Variants in NCDN observed in about 807,000 individuals in gnomAD.
The protein encoded by NCDN is neurochondrin.
NCDN carries 9 observed loss-of-function variants against 60.7 expected under a neutral mutation model. The observed-to-expected ratio is 0.15, with a 90% CI of 0.09 to 0.26. The LOEUF is 0.26. Among genes scored for constraint, NCDN ranks in the 10% least tolerant of loss-of-function variants. NCDN has a pLI of 1.00. For synonymous variants in NCDN, 409 were observed against 442.5 expected (o/e 0.92, Z 0.95); for missense variants, 578 against 975.2 (o/e 0.59, Z 5.42).
rs527805141 is a variant in NCDN, at chr1:35,561,445, C to A, written c.1143+151C>A. The A allele has an allele frequency of 1.8e-5, 20 of 1,131,952 alleles. No homozygotes were observed. The highest frequency in any genetic ancestry group is 2.3e-5 in the Non-Finnish European group (19 of 823,528). 70.1% of individuals were successfully genotyped at this position (1,131,952 alleles called of 1,614,324 possible). A position where few individuals can be genotyped will look rare whatever the true frequency, so the allele number is the denominator to read the frequency against. On this transcript the variant is annotated intron_variant, in intron 3 of 6. Transcript: ENST00000373243. This position sits in a 1 kb window ranked among gnomAD's most constrained non-coding sequence, Gnocchi z 4.9. ...AGCCAGCACTCCAGGGAGTAGTGTGCGGCCCAACCTCCCTCTCTCTCCCTC... is the reference window on the plus strand; with the variant it reads ...AGCCAGCACTCCAGGGAGTAGTGTGAGGCCCAACCTCCCTCTCTCTCCCTC...
rs1325376232 is a variant in NCDN at position 35,563,986 on chromosome 1, AC to A, written c.1753+79del. ...ACCTCCTGTGTTTGGGGCAAAAGTC[AC>A]CATTTTTAGAAGATGGTTTTGCAGC... On this transcript the variant is annotated intron_variant, in intron 6 of 6. Coordinates refer to ENST00000373243, the MANE Select transcript of NCDN (RefSeq NM_014284.3). This position sits in a 1 kb window ranked among gnomAD's most constrained non-coding sequence, Gnocchi z 6.6. The A allele has an allele frequency of 4.0e-6, 6 of 1,485,388 alleles. No homozygotes were observed. Among genetic ancestry groups the A allele is most frequent in the Non-Finnish European group, 5.4e-6 (6 of 1,115,562 alleles). 92.0% of individuals were successfully genotyped at this position (1,485,388 alleles called of 1,614,324 possible).
At position 35,561,198 on chromosome 1, in the gene NCDN, T is replaced by A. The variant is rs1470162474; in HGVS notation, c.1047T>A (p.Thr349=). The A allele has an allele frequency of 6.2e-7, 1 of 1,608,428 alleles. No individual in the cohort carries two copies. The highest frequency in any genetic ancestry group is 1.7e-5 in the Admixed American group (1 of 58,584). The part of the protein sequence containing the change: ...ALMELGIQEC[T]RCEQSLLKEP... ...TGGAGTTGGGGATCCAGGAATGCACTCGCTGTGAGCAGTCACTGCTTAAGG... is the reference window on the plus strand; with the variant it reads ...TGGAGTTGGGGATCCAGGAATGCACACGCTGTGAGCAGTCACTGCTTAAGG... Residue 349 remains threonine (T), a synonymous_variant, in exon 3 of 7, where the codon ACT becomes ACA. Coordinates refer to ENST00000373243, the MANE Select transcript of NCDN (RefSeq NM_014284.3). This position sits in a 1 kb window ranked among gnomAD's most constrained non-coding sequence, Gnocchi z 4.9.
rs1352370540 is a variant in NCDN at position 35,563,208 on chromosome 1, C to A, written c.1392C>A (p.Leu464=). The change falls in exon 5 of 7, where the codon CTC becomes CTA. Residue 464 remains leucine (L), a synonymous_variant. Coordinates refer to ENST00000373243, the MANE Select transcript of NCDN (RefSeq NM_014284.3). The surrounding 1 kb of genome is among the most constrained non-coding windows in gnomAD (Gnocchi z 6.6). ...GTCCCTTCCACATCCCCAGGCTCCT[C>A]CTGCCTGGCTGGTGCCACCTGACCG... is the stretch of plus-strand genomic sequence containing the variant. The part of the protein sequence containing the change: ...PTWPGDALRL[L]LPGWCHLTVE... 4 of 1,612,452 alleles carry A rather than the reference C, an allele frequency of 2.5e-6. No homozygotes were observed. The highest frequency in any genetic ancestry group is 2.5e-6 in the Non-Finnish European group (3 of 1,178,716).
In NCDN at chr1:35,563,346, G is replaced by A. The variant is rs755819723; in HGVS notation, c.1530G>A (p.Leu510=). 1 of 1,614,202 alleles carries A rather than the reference G, an allele frequency of 6.2e-7. No individual in the cohort carries two copies. The highest frequency in any genetic ancestry group is 1.1e-5 in the South Asian group (1 of 91,090). The change falls in exon 5 of 7, where the codon CTG becomes CTA. Residue 510 remains leucine, a synonymous_variant. Transcript: ENST00000373243. The surrounding 1 kb of genome is among the most constrained non-coding windows in gnomAD (Gnocchi z 6.6). Reference sequence around the variant, plus strand: ...CCCCTGGCCACGACACCTCGGTGCTGCCTGACAGCGTGGAGATTGGCCTGC... The same window carrying A: ...CCCCTGGCCACGACACCTCGGTGCTACCTGACAGCGTGGAGATTGGCCTGC... ...LTSPGHDTSV[L]PDSVEIGLQT...
chr1:35,560,584 G>A lies in NCDN; in HGVS notation c.433G>A (p.Asp145Asn), dbSNP rs1467895598. The change falls in exon 3 of 7, where the codon GAT becomes AAT. Residue 145 changes from aspartate to asparagine, a missense_variant. Transcript: ENST00000373243. This position sits in a 1 kb window ranked among gnomAD's most constrained non-coding sequence, Gnocchi z 7.6. ...TFLTARGDPD[D>N]AARRSMIDDT... ...CCTCACAGCCCGGGGGGACCCGGAC[G>A]ATGCTGCCCGCCGCTCCATGATTGA... 8 of 1,613,366 alleles carry A rather than the reference G, an allele frequency of 5.0e-6. No individual in the cohort carries two copies. Among genetic ancestry groups the A allele is most frequent in the East Asian group, 4.5e-5 (2 of 44,878 alleles).
In NCDN at chr1:35,562,649, C is replaced by T. The variant is rs781039499; in HGVS notation, c.1385+16C>T. ...ACGCTCTCCGGTGAGTCTGTAGTTA[C>T]AGTCTGTCCAGCTAGATCATTCTAC... On this transcript the variant is annotated intron_variant, in intron 4 of 6. Transcript: ENST00000373243. The surrounding 1 kb of genome is among the most constrained non-coding windows in gnomAD (Gnocchi z 6.8). 2 of 1,606,180 alleles carry T rather than the reference C, an allele frequency of 1.2e-6. No homozygotes were observed. Among genetic ancestry groups the T allele is most frequent in the East Asian group, 2.2e-5 (1 of 44,712 alleles).
In NCDN at chr1:35,561,145, G is replaced by A; in HGVS notation, c.994G>A (p.Asp332Asn). 6.2e-7 allele frequency: 1 copy of A among 1,610,874 alleles called. No individual in the cohort carries two copies. The highest frequency in any genetic ancestry group is 8.5e-7 in the Non-Finnish European group (1 of 1,178,620). The change falls in exon 3 of 7, where the codon GAT (aspartate) becomes AAT (asparagine). Residue 332 changes from aspartate (D) to asparagine (N), a missense_variant. This residue lies in a region of NCDN where 363 missense variants were observed against 583.6 expected (regional missense o/e 0.62). Coordinates refer to ENST00000373243, the MANE Select transcript of NCDN (RefSeq NM_014284.3). This position sits in a 1 kb window ranked among gnomAD's most constrained non-coding sequence, Gnocchi z 4.9. ...GGAGACGGGCACGGAGGTGAAAGAG[G>A]ATGTGGTGACCGCCTGCTATGCCCT... ...LEETGTEVKE[D>N]VVTACYALME...
rs56974171 is a variant in NCDN at position 35,566,629 on chromosome 1, C to CCACACACACACA, written c.*1006_*1017dup. 1.6e-4 allele frequency: 44 copies of CCACACACACACA among 270,446 alleles called. No individual in the cohort carries two copies. The highest frequency in any genetic ancestry group is 2.3e-4 in the African/African-American group (9 of 39,222). The allele number at this position is 270,446 out of a possible 1,614,324, so 16.8% of individuals were successfully genotyped here. ...TACCTTTCTTATAAACCCAGGGGGA[C>CCACACACACACA]CACACACACACACACACACACACAC... On this transcript the variant is annotated 3_prime_UTR_variant, in exon 7 of 7. Transcript: ENST00000373243. The surrounding 1 kb of genome is among the most constrained non-coding windows in gnomAD (Gnocchi z 5.3).
In NCDN at chr1:35,563,648, C is replaced by A. The variant is rs996699464; in HGVS notation, c.1611-119C>A. ...GTCTGCTTGTTCCAATCTCTGCCCC[C>A]CAGATGCTATGTTTGGGGCCCAAAG... On this transcript the variant is annotated intron_variant, in intron 5 of 6. Coordinates refer to ENST00000373243, the MANE Select transcript of NCDN (RefSeq NM_014284.3). This position sits in a 1 kb window ranked among gnomAD's most constrained non-coding sequence, Gnocchi z 6.6. 3.9e-6 allele frequency: 5 copies of A among 1,277,956 alleles called. No homozygotes were observed. In the Admixed American group the frequency reaches 5.9e-5, roughly 15 times the overall value. The allele number at this position is 1,277,956 out of a possible 1,614,324, so 79.2% of individuals were successfully genotyped here.
At position 35,558,271 on chromosome 1, in the gene NCDN, G is replaced by A. The variant is rs201007941; in HGVS notation, c.33+48G>A. 3.7e-6 allele frequency: 6 copies of A among 1,612,998 alleles called. No individual in the cohort carries two copies. In the Admixed American group the frequency reaches 6.7e-5, roughly 18 times the overall value. On this transcript the variant is annotated intron_variant, in intron 1 of 6. Coordinates refer to ENST00000373243, the MANE Select transcript of NCDN (RefSeq NM_014284.3). The surrounding 1 kb of genome is among the most constrained non-coding windows in gnomAD (Gnocchi z 6.3). ...CTCCCCTTCTCATCTCCCCATCTCA[G>A]CAGCCCTGCTTCGATTATCCGGCTT...
In NCDN at chr1:35,563,570, C is replaced by G. The variant is rs1571086318; in HGVS notation, c.1610+144C>G. 1 of 1,056,848 alleles carries G rather than the reference C, an allele frequency of 9.5e-7. No individual in the cohort carries two copies. The highest frequency in any genetic ancestry group is 2.5e-5 in the East Asian group (1 of 39,374). 65.5% of individuals were successfully genotyped at this position (1,056,848 alleles called of 1,614,324 possible). A position where few individuals can be genotyped will look rare whatever the true frequency, so the allele number is the denominator to read the frequency against. On this transcript the variant is annotated intron_variant, in intron 5 of 6. Coordinates refer to ENST00000373243, the MANE Select transcript of NCDN (RefSeq NM_014284.3). This position sits in a 1 kb window ranked among gnomAD's most constrained non-coding sequence, Gnocchi z 6.6. ...ATGGGGGTCTCAGAGTAGACATAGC[C>G]AGCCCCGCACAAGGATTCGGCATGC...
rs1271405870 is a variant in NCDN, at chr1:35,560,812, G to A, written c.661G>A (p.Val221Met). Residue 221 changes from valine to methionine, a missense_variant, in exon 3 of 7, where the codon GTG becomes ATG. Coordinates refer to ENST00000373243, the MANE Select transcript of NCDN (RefSeq NM_014284.3). The surrounding 1 kb of genome is among the most constrained non-coding windows in gnomAD (Gnocchi z 7.6). ...GGAGGCGGAGCCCGACCTGCTGGCC[G>A]TGTTGCGGGGCCTCAGTGAGGATTT... is the stretch of plus-strand genomic sequence containing the variant. Reference protein sequence around the residue: ...WKEAEPDLLAVLRGLSEDFQK... With the variant: ...WKEAEPDLLAMLRGLSEDFQK... 3.1e-6 allele frequency: 5 copies of A among 1,613,730 alleles called. No homozygotes were observed. The highest frequency in any genetic ancestry group is 1.1e-5 in the South Asian group (1 of 91,092).
intron 6 of NCDN, among the ~76,000 whole-genome samples, chr1:35,564,851 TC>T (rs1240309954): frequency 1.1e-4 from 16 of 152,042 alleles, no homozygotes; most frequent in Admixed American, 8.5e-4. Flanking sequence ...ATGGTGCAAC[TC>T]CCTTAACCTG....
At chr1:35,564,064 A>C (rs1011175207) in intron 6 of NCDN, among the ~76,000 whole-genome samples, 155 bp downstream of exon 6, 15 of 151,988 alleles carry the variant, frequency 9.9e-5, no homozygotes, top group African/African-American at 3.6e-4. Context: ...CCCTACCCCC[A>C]CCGTTCTTCC....
chr1:35,561,392 G>A lies in NCDN; in HGVS notation c.1143+98G>A. On this transcript the variant is annotated intron_variant, in intron 3 of 6. Coordinates refer to ENST00000373243, the MANE Select transcript of NCDN (RefSeq NM_014284.3). This position sits in a 1 kb window ranked among gnomAD's most constrained non-coding sequence, Gnocchi z 4.9. ...AGGAGAATAATGGGGAGACAGCGAA[G>A]CTGCATGTCCACACAAGCTGATACT... 1 of 1,455,220 alleles carries A rather than the reference G, an allele frequency of 6.9e-7. No homozygotes were observed. The highest frequency in any genetic ancestry group is 9.1e-7 in the Non-Finnish European group (1 of 1,103,414). 90.1% of individuals were successfully genotyped at this position (1,455,220 alleles called of 1,614,324 possible).
At chr1:35,564,039 C>A in intron 6 of NCDN, 130 bp downstream of exon 6, 1 of 1,129,698 alleles carries the variant, frequency 8.9e-7, no homozygotes, top group Non-Finnish European at 1.2e-6. Context: ...GAAATCTTTG[C>A]AGTGTATCTC....
rs1648481005 is a variant in NCDN at position 35,558,372 on chromosome 1, G to A, written c.33+149G>A. 1.3e-6 allele frequency: 2 copies of A among 1,520,696 alleles called. No homozygotes were observed. The highest frequency in any genetic ancestry group is 2.3e-5 in the East Asian group (1 of 42,910). 94.2% of individuals were successfully genotyped at this position (1,520,696 alleles called of 1,614,324 possible). A position where few individuals can be genotyped will look rare whatever the true frequency, so the allele number is the denominator to read the frequency against. The stretch of plus-strand genomic sequence containing the variant: ...CAGCCCCTGCCGGCATCCACAGGCT[G>A]GTAGCGGGACGGGGAGGGCGAGAAG... On this transcript the variant is annotated intron_variant, in intron 1 of 6. Transcript: ENST00000373243. The surrounding 1 kb of genome is among the most constrained non-coding windows in gnomAD (Gnocchi z 6.3).
chr1:35,558,418 TCTGCTGCTGCCGCCGCCGCTG>T lies in NCDN; in HGVS notation c.33+206_33+226del, dbSNP rs1648488941. The T allele has an allele frequency of 6.9e-7, 1 of 1,451,008 alleles. No individual in the cohort carries two copies. Among genetic ancestry groups the T allele is most frequent in the South Asian group, 1.4e-5 (1 of 71,130 alleles). The allele number at this position is 1,451,008 out of a possible 1,614,324, so 89.9% of individuals were successfully genotyped here. On this transcript the variant is annotated intron_variant, in intron 1 of 6. Coordinates refer to ENST00000373243, the MANE Select transcript of NCDN (RefSeq NM_014284.3). The surrounding 1 kb of genome is among the most constrained non-coding windows in gnomAD (Gnocchi z 6.3). ...AGAAGAGGGAGCGCAAGGGGTTAAT[TCTGCTGCTGCCGCCGCCGCTG>T]CTGCTGCTGCTGCAGCCTCTACCCG...
In NCDN at chr1:35,561,252, C is replaced by G. The variant is rs1648695289; in HGVS notation, c.1101C>G (p.Val367=). ...KEPQKVQLVS[V]MKEAIGAVIH... is the part of the protein sequence containing the mutation. ...CACAGAAGGTGCAGCTCGTGAGCGT[C>G]ATGAAGGAGGCCATAGGGGCTGTTA... Residue 367 remains valine (V), a synonymous_variant, in exon 3 of 7, where the codon GTC becomes GTG. Coordinates refer to ENST00000373243, the MANE Select transcript of NCDN (RefSeq NM_014284.3). This position sits in a 1 kb window ranked among gnomAD's most constrained non-coding sequence, Gnocchi z 4.9. The G allele has an allele frequency of 1.2e-6, 2 of 1,609,424 alleles. No homozygotes were observed. Among genetic ancestry groups the G allele is most frequent in the South Asian group, 2.2e-5 (2 of 90,652 alleles).
Sources: allele counts gnomAD v4.1 joint callset (sites outside exome capture counted in the v4.1 genomes callset), GRCh38; gene constraint gnomAD v4.1.1; regional missense constraint gnomAD v4.1.1; non-coding constraint Gnocchi (gnomAD v3.1); transcripts MANE v1.5; gene names NCBI Gene and HGNC (gene_info 2026-07-23, HGNC 2026-07-21).